RNF144A: variants seen among roughly 807,000 people sequenced by gnomAD.
RNF144A encodes the protein ring finger protein 144A.
Under a neutral mutation model 38.7 loss-of-function variants are expected in RNF144A, and 11 were observed. The observed-to-expected ratio is 0.28, with a 90% confidence interval of 0.18 to 0.47. The LOEUF is 0.47. RNF144A is among the 20% of genes least tolerant of loss of function. The pLI, the probability that RNF144A is intolerant of heterozygous loss-of-function variation, is 0.99. For missense variants in RNF144A, 316 were observed against 377.2 expected, an observed-to-expected ratio of 0.84 and a Z score of 1.34; for synonymous variants, 149 against 143.9, an observed-to-expected ratio of 1.04 and a Z score of -0.25.
chr2:6,957,894 C>G (rs1357701737), intron 2 of RNF144A, among the ~76,000 whole-genome samples: 2 of 152,240 alleles, frequency 1.3e-5, no homozygotes, highest in Non-Finnish European at 2.9e-5. Flanking sequence ...CCGCCTCTCA[C>G]CACTCAATCT....
At chr2:7,070,206 G>T (rs1053510428), downstream of RNF144A, among the ~76,000 whole-genome samples, 1 of 152,074 alleles carries the variant, frequency 6.6e-6, no homozygotes, top group Non-Finnish European at 1.5e-5. Flanking sequence ...GTTTGACTCT[G>T]TTACCCAGTC....
chr2:7,062,103 C>T (rs763468942), intron 6 of RNF144A, among the ~76,000 whole-genome samples: 17 of 152,172 alleles, frequency 1.1e-4, no homozygotes, highest in Non-Finnish European at 2.5e-4. Context: ...GAACCTGGTT[C>T]TGCTGATTGA....
intron 3 of RNF144A, among the ~76,000 whole-genome samples, chr2:7,007,518 C>G (rs909438021): frequency 6.6e-6 from 1 of 152,222 alleles, no homozygotes; most frequent in Non-Finnish European, 1.5e-5. Flanking sequence ...CATTTCACCT[C>G]CATTAAGAGT....
At chr2:7,011,878 G>T (rs1188716928) in intron 3 of RNF144A, among the ~76,000 whole-genome samples, 1 of 152,192 alleles carries the variant, frequency 6.6e-6, no homozygotes, top group East Asian at 1.9e-4. Flanking sequence ...TGAACAAATT[G>T]ATATTCCCAG....
chr2:6,922,564 A>T (rs556703815), intron 1 of RNF144A, among the ~76,000 whole-genome samples: 1 of 151,774 alleles, frequency 6.6e-6, no homozygotes, highest in East Asian at 1.9e-4. Context: ...TGCAGAATGC[A>T]GCAAGCTTGA....
intron 2 of RNF144A, among the ~76,000 whole-genome samples, chr2:6,983,854 C>T (rs150682627): frequency 2.6e-5 from 4 of 152,358 alleles, no homozygotes; most frequent in African/African-American, 9.6e-5. Flanking sequence ...CTGCTGCCTA[C>T]ATAGGGCAGA....
downstream of RNF144A, among the ~76,000 whole-genome samples, chr2:7,072,260 T>C (rs1215485218): frequency 4.6e-5 from 7 of 152,322 alleles, no homozygotes; most frequent in Non-Finnish European, 1.0e-4. Context: ...GCACAGATGA[T>C]TTTTGCTATA....
rs560565531 is a variant in RNF144A at position 7,031,330 on chromosome 2, A to G, written c.747+1115A>G. ...AGCTGGAGATACAGTGGTGCGTGAG[A>G]CAGATGTGTCCTTCTACGGAACTAC... is the stretch of plus-strand genomic sequence containing the variant. On this transcript the variant is annotated intron_variant, in intron 8 of 8. Coordinates refer to ENST00000320892, the MANE Select transcript of RNF144A (RefSeq NM_014746.6). 3.3e-5 allele frequency among the ~76,000 whole-genome samples: 5 copies of G among 151,486 alleles called. No homozygotes were observed. The South Asian group carries it at 1.1e-3, about 32-fold the overall frequency.
chr2:7,020,911 G>A (rs1301560624), intron 6 of RNF144A: 6 of 568,728 alleles, frequency 1.1e-5, no homozygotes, highest in South Asian at 2.3e-5. Context: ...ATAGAAAGGT[G>A]TGTGAGAACC....
At chr2:7,020,747 T>G in intron 6 of RNF144A, 67 bp downstream of exon 6, 2 of 1,441,050 alleles carry the variant, frequency 1.4e-6, no homozygotes, top group East Asian at 2.3e-5. Flanking sequence ...GCATGCTTTC[T>G]TCCTAAAAGT....
intron 2 of RNF144A, among the ~76,000 whole-genome samples, chr2:6,942,300 A>G (rs1666048653): frequency 6.6e-6 from 1 of 152,064 alleles, no homozygotes; most frequent in Non-Finnish European, 1.5e-5. Context: ...GCTAGAGTCC[A>G]GGATACCATC....
chr2:6,984,249 C>T (rs1668814678), intron 2 of RNF144A, among the ~76,000 whole-genome samples: 1 of 152,012 alleles, frequency 6.6e-6, no homozygotes, highest in African/African-American at 2.4e-5. Flanking sequence ...ATTCTGTTCA[C>T]TGTTCACATT....
intron 3 of RNF144A, among the ~76,000 whole-genome samples, 186 bp from the exon 4 acceptor site, chr2:7,014,268 C>A (rs1403185060): frequency 6.6e-6 from 1 of 152,156 alleles, no homozygotes; most frequent in Non-Finnish European, 1.5e-5. Context: ...AGAATGGGTA[C>A]CCCATAAATA....
At chr2:7,050,845 G>GA (rs1168293935) in intron 6 of RNF144A, among the ~76,000 whole-genome samples, 1 of 152,206 alleles carries the variant, frequency 6.6e-6, no homozygotes, top group Non-Finnish European at 1.5e-5. Flanking sequence ...GCTCCCAAGG[G>GA]AGGAAGTGCT....
At position 6,962,845 on chromosome 2, in the gene RNF144A, G is replaced by T. The variant is rs745508286; in HGVS notation, c.-12+21698G>T. On this transcript the variant is annotated intron_variant, in intron 2 of 8. Transcript: ENST00000320892. This position sits in a 1 kb window ranked among gnomAD's most constrained non-coding sequence, Gnocchi z 4.1. ...AGTTAATGACTGGCCCAGCCTTGCT[G>T]GTCTCCATGGTTTATGCCATCATGA... 6.6e-6 allele frequency among the ~76,000 whole-genome samples: 1 copy of T among 152,184 alleles called. No individual in the cohort carries two copies. Among genetic ancestry groups the T allele is most frequent in the South Asian group, 2.1e-4 (1 of 4,828 alleles).
At position 6,951,505 on chromosome 2, in the gene RNF144A, C is replaced by T. The variant is rs1368593846; in HGVS notation, c.-12+10358C>T. ...GCACCATTAACAACAGCAGCAAACC[C>T]TTGTTGGGAAGTTGCTTGGATTGCA... On this transcript the variant is annotated intron_variant, in intron 2 of 8. Transcript: ENST00000320892. Among the ~76,000 whole-genome samples, 3 of 152,304 alleles carry T rather than the reference C, an allele frequency of 2.0e-5. No individual in the cohort carries two copies. The East Asian group carries it at 5.8e-4, about 29-fold the overall frequency.
At chr2:7,005,503 C>T (rs1023198975) in intron 3 of RNF144A, among the ~76,000 whole-genome samples, 1 of 152,128 alleles carries the variant, frequency 6.6e-6, no homozygotes, top group African/African-American at 2.4e-5. Flanking sequence ...GGATGAGTTC[C>T]AGGGCTGTTG....
chr2:7,053,031 C>T (rs187439867), intron 6 of RNF144A, among the ~76,000 whole-genome samples: 1 of 152,316 alleles, frequency 6.6e-6, no homozygotes, highest in African/African-American at 2.4e-5. Context: ...CATAATTTTT[C>T]AGTTCTTAGT....
At chr2:6,995,319 G>T (rs1433484592) in intron 2 of RNF144A, among the ~76,000 whole-genome samples, 10 of 152,102 alleles carry the variant, frequency 6.6e-5, no homozygotes, top group Admixed American at 6.5e-4. Context: ...CAGATTCCCT[G>T]TCTGCTAAGC....
Sources: allele counts gnomAD v4.1 joint callset (sites outside exome capture counted in the v4.1 genomes callset), GRCh38; gene constraint gnomAD v4.1.1; non-coding constraint Gnocchi (gnomAD v3.1); transcripts MANE v1.5; gene names NCBI Gene and HGNC (gene_info 2026-07-23, HGNC 2026-07-21).